ST6GALNAC3: variants seen among roughly 807,000 people sequenced by gnomAD.
ST6GALNAC3 encodes ST6 N-acetylgalactosaminide alpha-2,6-sialyltransferase 3.
In ST6GALNAC3, 25 loss-of-function variants were observed where a neutral mutation model predicts 32.7. The observed-to-expected ratio is 0.76, with a 90% CI of 0.56 to 1.07. ST6GALNAC3 has a LOEUF of 1.07. ST6GALNAC3 is among the 50% of genes least tolerant of loss of function. ST6GALNAC3 has a pLI of 0.00. For missense variants in ST6GALNAC3, 355 were observed against 382.4 expected, an observed-to-expected ratio of 0.93 and a Z score of 0.60; for synonymous variants, 129 against 133.1, an observed-to-expected ratio of 0.97 and a Z score of 0.21.
At chr1:76,410,423 T>C (rs554781206) in intron 2 of ST6GALNAC3, among the ~76,000 whole-genome samples, 32 of 152,002 alleles carry the variant, frequency 2.1e-4, no homozygotes, top group African/African-American at 7.0e-4. Flanking sequence ...CTCCACCAAC[T>C]CTCTCTCTCT....
intron 3 of ST6GALNAC3, among the ~76,000 whole-genome samples, chr1:76,519,598 A>G (rs1389275775): frequency 6.6e-6 from 1 of 152,156 alleles, no homozygotes; most frequent in Non-Finnish European, 1.5e-5. Context: ...CTACATCACG[A>G]AGATACGTAT....
chr1:76,330,131 A>G (rs1647161898), intron 2 of ST6GALNAC3, among the ~76,000 whole-genome samples: 1 of 151,634 alleles, frequency 6.6e-6, no homozygotes, highest in African/African-American at 2.4e-5. Flanking sequence ...AGAATATTAA[A>G]CAAATAAACA....
At chr1:76,556,771 T>C (rs1363070449) in intron 3 of ST6GALNAC3, among the ~76,000 whole-genome samples, 1 of 152,142 alleles carries the variant, frequency 6.6e-6, no homozygotes, top group African/African-American at 2.4e-5. Context: ...TACATGCACA[T>C]CCTTAATTAT....
At chr1:76,485,747 AT>A (rs1290844181) in intron 3 of ST6GALNAC3, among the ~76,000 whole-genome samples, 1 of 151,764 alleles carries the variant, frequency 6.6e-6, no homozygotes, top group Non-Finnish European at 1.5e-5. Context: ...GATCTTAGCT[AT>A]TTCTTGCCTT....
At chr1:76,307,230 G>T (rs1557772069) in intron 1 of ST6GALNAC3, among the ~76,000 whole-genome samples, 1 of 152,022 alleles carries the variant, frequency 6.6e-6, no homozygotes, top group Admixed American at 6.6e-5. Context: ...AATTAGTGGG[G>T]TTTTTCCTAG....
chr1:76,295,210 G>T (rs760869286), intron 1 of ST6GALNAC3, among the ~76,000 whole-genome samples: 8 of 151,946 alleles, frequency 5.3e-5, no homozygotes, highest in Non-Finnish European at 1.0e-4. Context: ...CCGAAGATAG[G>T]TATGTTCTTT....
chr1:76,378,659 TC>T (rs769233670), intron 2 of ST6GALNAC3, among the ~76,000 whole-genome samples: 35 of 102,280 alleles, frequency 3.4e-4, no homozygotes, highest in Non-Finnish European at 3.8e-4. Flanking sequence ...CGAAATTCCT[TC>T]CCCCCCCCAA....
chr1:76,113,571 T>C (rs973980094), intron 1 of ST6GALNAC3, among the ~76,000 whole-genome samples: 1 of 152,084 alleles, frequency 6.6e-6, no homozygotes, highest in African/African-American at 2.4e-5. Context: ...AATGTTCTTA[T>C]GTACTGTTGA....
intron 2 of ST6GALNAC3, among the ~76,000 whole-genome samples, chr1:76,368,834 G>A (rs1403228169): frequency 6.6e-6 from 1 of 152,098 alleles, no homozygotes; most frequent in Non-Finnish European, 1.5e-5. Context: ...GAGGGCTGTG[G>A]AAATCAATAG....
chr1:76,341,686 T>TTCC (rs1342318656), intron 2 of ST6GALNAC3, among the ~76,000 whole-genome samples: 19 of 116,998 alleles, frequency 1.6e-4, no homozygotes, highest in Non-Finnish European at 1.8e-4. Flanking sequence ...TCTTTCCTTC[T>TTCC]TTCTTTCTTT....
chr1:76,349,082 G>A (rs1407428007), intron 2 of ST6GALNAC3, among the ~76,000 whole-genome samples: 1 of 152,070 alleles, frequency 6.6e-6, no homozygotes, highest in East Asian at 1.9e-4. Context: ...ATTCTCCAGA[G>A]CCTTAATTTT....
intron 1 of ST6GALNAC3, among the ~76,000 whole-genome samples, chr1:76,110,647 AGG>A (rs1647862487): frequency 6.6e-6 from 1 of 152,264 alleles, no homozygotes; most frequent in Non-Finnish European, 1.5e-5. Context: ...CTAAAGGAGC[AGG>A]CTGTGTAGAC....
intron 1 of ST6GALNAC3, among the ~76,000 whole-genome samples, chr1:76,141,699 C>A (rs1357253864): frequency 6.6e-6 from 1 of 152,132 alleles, no homozygotes; most frequent in Non-Finnish European, 1.5e-5. Flanking sequence ...GGGGAAATAA[C>A]ACATACATCC....
intron 2 of ST6GALNAC3, among the ~76,000 whole-genome samples, chr1:76,382,416 AATTCTAGAAGTGAAAAACTT>A (rs770023783): frequency 2.3e-4 from 35 of 152,328 alleles, no homozygotes; most frequent in Middle Eastern, 3.4e-3. Context: ...ATACAGGGGA[AATTCTAGAAGTGAAAAACTT>A]AAGAATCTAA....
intron 1 of ST6GALNAC3, among the ~76,000 whole-genome samples, chr1:76,169,985 TC>T: frequency 6.6e-6 from 1 of 152,330 alleles, no homozygotes; most frequent in East Asian, 1.9e-4. Context: ...TTATCTACCT[TC>T]AATCTTTGAG....
chr1:76,635,514 A>G (rs555665779), downstream of ST6GALNAC3, among the ~76,000 whole-genome samples: 55 of 152,328 alleles, frequency 3.6e-4, no homozygotes, highest in South Asian at 0.011. Flanking sequence ...TAGCTTACCC[A>G]TGGTCACACA....
intron 3 of ST6GALNAC3, among the ~76,000 whole-genome samples, chr1:76,617,826 C>G (rs1648397471): frequency 6.6e-6 from 1 of 152,162 alleles, no homozygotes; most frequent in African/African-American, 2.4e-5. Flanking sequence ...ATAAACTAAG[C>G]ACTGAAAGAA....
intron 3 of ST6GALNAC3, among the ~76,000 whole-genome samples, chr1:76,548,287 A>G (rs920689290): frequency 6.6e-6 from 1 of 152,074 alleles, no homozygotes; most frequent in African/African-American, 2.4e-5. Context: ...GCTTGGGATG[A>G]TTTTGGCTGC....
At chr1:76,121,631 G>T (rs750706068) in intron 1 of ST6GALNAC3, among the ~76,000 whole-genome samples, 2 of 152,086 alleles carry the variant, frequency 1.3e-5, no homozygotes, top group Non-Finnish European at 2.9e-5. Flanking sequence ...CAGGAGAATG[G>T]CATGAACCTG....
Sources: gnomAD v4.1 joint callset for allele counts (sites outside exome capture counted in the v4.1 genomes callset) on GRCh38, gnomAD v4.1.1 for gene constraint, MANE v1.5 for transcripts, NCBI Gene and HGNC (gene_info 2026-07-23, HGNC 2026-07-21) for gene names.